DNAH6: variants seen among roughly 807,000 people sequenced by gnomAD.
DNAH6 encodes axonemal beta dynein heavy chain 6.
DNAH6 carries 340 observed loss-of-function variants against 491.4 expected under a neutral mutation model. The ratio of observed to expected loss-of-function variants is 0.69; its 90% CI spans 0.63 to 0.76. DNAH6 has a LOEUF of 0.76. Among genes scored for constraint, DNAH6 ranks in the 30% least tolerant of loss-of-function variants. DNAH6 has a pLI of 0.00. For missense variants in DNAH6, 4,443 were observed against 4,972.2 expected (o/e 0.89, Z 3.20); for synonymous variants, 1,603 against 1,686.1 (o/e 0.95, Z 1.21).
chr2:84,661,448 TACAA>T (rs1373514573), intron 37 of DNAH6, among the ~76,000 whole-genome samples: 1 of 152,078 alleles, frequency 6.6e-6, no homozygotes, highest in Non-Finnish European at 1.5e-5. Flanking sequence ...CTAAAAAATC[TACAA>T]ACAAATGATT....
chr2:84,781,518 G>A lies in DNAH6; in HGVS notation c.10729G>A (p.Gly3577Arg), dbSNP rs1197881960. 3.9e-6 allele frequency: 6 copies of A among 1,550,918 alleles called. No homozygotes were observed. The highest frequency in any genetic ancestry group is 2.7e-5 in the African/African-American group (2 of 73,044). ...GGTGCAGTCAATTTCACTGGGGCAA[G>A]GACAAGGACCTATTGCTGAAAAAAT... is the stretch of plus-strand genomic sequence containing the variant. ...ERVQSISLGQ[G>R]QGPIAEKMVK... The change falls in exon 65 of 77, where the codon GGA becomes AGA. Residue 3577 changes from glycine (G) to arginine (R), a missense_variant. Transcript: ENST00000389394.
chr2:84,755,569 A>C (rs144189354), intron 63 of DNAH6, among the ~76,000 whole-genome samples: 1 of 152,134 alleles, frequency 6.6e-6, no homozygotes, highest in African/African-American at 2.4e-5. Flanking sequence ...AGTGTTTTGT[A>C]TATACAAAAT....
Position 84,718,297 on chromosome 2 carries a change from C to G in DNAH6, c.9705C>G (p.Ile3235Met). The G allele has an allele frequency of 6.4e-7, 1 of 1,551,054 alleles. No individual in the cohort carries two copies. The highest frequency in any genetic ancestry group is 2.4e-5 in the East Asian group (1 of 40,880). Residue 3235 changes from isoleucine to methionine, a missense_variant, in exon 59 of 77, where the codon ATC (isoleucine) becomes ATG (methionine). By Grantham distance (10) the Ile-to-Met change is conservative. This residue lies in a region of DNAH6 where 1,463 missense variants were observed against 1,656.6 expected (regional missense o/e 0.88). Transcript: ENST00000389394. ...INTDKNQLKT[I>M]EEKILRMLFT... ...CTGATAAAAACCAGTTGAAAACTAT[C>G]GAAGAGAAAATCCTGAGAATGCTCT...
chr2:84,595,598 T>C, intron 17 of DNAH6, 48 bp from the exon 18 acceptor site: 1 of 1,477,128 alleles, frequency 6.8e-7, no homozygotes, highest in Non-Finnish European at 9.0e-7. Context: ...AACCTGACTT[T>C]TACTTTATGT....
chr2:84,775,124 A>G (rs886704109), intron 64 of DNAH6, among the ~76,000 whole-genome samples: 8 of 152,154 alleles, frequency 5.3e-5, no homozygotes, highest in African/African-American at 1.9e-4. Flanking sequence ...CCCATTCAGT[A>G]TGATGTTGGC....
intron 63 of DNAH6, among the ~76,000 whole-genome samples, chr2:84,745,539 G>A (rs539219412): frequency 1.8e-3 from 273 of 152,176 alleles, no homozygotes; most frequent in Non-Finnish European, 2.1e-3. Flanking sequence ...GGTGGCAGGC[G>A]CCTGTAGTCC....
chr2:84,665,315 G>A (rs1227066783), intron 37 of DNAH6, among the ~76,000 whole-genome samples: 1 of 151,992 alleles, frequency 6.6e-6, no homozygotes, highest in Admixed American at 6.6e-5. Context: ...CCAGGAGCTG[G>A]TTTTTTTAAA....
In DNAH6 at chr2:84,785,769, C is replaced by T. The variant is rs1677117597; in HGVS notation, c.11100+13C>T. 17 of 1,509,684 alleles carry T rather than the reference C, an allele frequency of 1.1e-5. No individual in the cohort carries two copies. Among genetic ancestry groups the T allele is most frequent in the Non-Finnish European group, 1.5e-5 (17 of 1,130,014 alleles). The allele number at this position is 1,509,684 out of a possible 1,614,324, so 93.5% of individuals were successfully genotyped here. Reference sequence around the variant, plus strand: ...TGCAATTATTCAGGTACACTCAACTCTGCTTTTCAATAGCAACAAGGAAGT... The same window carrying T: ...TGCAATTATTCAGGTACACTCAACTTTGCTTTTCAATAGCAACAAGGAAGT... On this transcript the variant is annotated intron_variant, in intron 67 of 76. Coordinates refer to ENST00000389394, the MANE Select transcript of DNAH6 (RefSeq NM_001370.2).
chr2:84,545,077 A>G (rs960795520), intron 5 of DNAH6, among the ~76,000 whole-genome samples: 3 of 152,124 alleles, frequency 2.0e-5, no homozygotes, highest in East Asian at 1.9e-4. Context: ...GAAGTTTCCT[A>G]CTTGGCCCCT....
intron 37 of DNAH6, among the ~76,000 whole-genome samples, chr2:84,661,250 A>C (rs898829288): frequency 5.3e-5 from 8 of 152,140 alleles, no homozygotes; most frequent in Non-Finnish European, 8.8e-5. Flanking sequence ...CATGAAATCA[A>C]GTGAAAGGGT....
At chr2:84,635,475 T>C (rs1466374343) in intron 30 of DNAH6, among the ~76,000 whole-genome samples, 1 of 152,318 alleles carries the variant, frequency 6.6e-6, no homozygotes, top group East Asian at 1.9e-4. Flanking sequence ...TCCCGCATAC[T>C]CTGGGGAGGC....
the DNAH6 span, among the ~76,000 whole-genome samples, chr2:84,470,360 T>C: frequency 6.6e-6 from 1 of 152,228 alleles, no homozygotes; most frequent in South Asian, 2.1e-4. Context: ...ATTAAGAAAG[T>C]AAAGGAATAA....
At chr2:84,634,099 G>A (rs1467955918) in intron 29 of DNAH6, among the ~76,000 whole-genome samples, 1 of 152,156 alleles carries the variant, frequency 6.6e-6, no homozygotes, top group Non-Finnish European at 1.5e-5. Flanking sequence ...TAGTCCTTGT[G>A]TGTGTCTGCC....
chr2:84,778,136 A>C (rs1246859421), intron 64 of DNAH6: 1 of 768,680 alleles, frequency 1.3e-6, no homozygotes, highest in Admixed American at 1.7e-5. Context: ...TGCCAACAGC[A>C]CCAACCCCAA....
intron 40 of DNAH6, 93 bp downstream of exon 40, chr2:84,672,577 A>G: frequency 8.4e-7 from 1 of 1,184,426 alleles, no homozygotes; most frequent in Admixed American, 2.6e-5. Flanking sequence ...ACAAAGTACC[A>G]CAGATGGGGT....
chr2:84,803,343 A>C (rs957177799), intron 70 of DNAH6, among the ~76,000 whole-genome samples: 2 of 152,220 alleles, frequency 1.3e-5, no homozygotes. Flanking sequence ...ACAACCTGTT[A>C]GATACTATGT....
intron 29 of DNAH6, among the ~76,000 whole-genome samples, chr2:84,633,991 T>C (rs1475631197): frequency 2.6e-5 from 4 of 152,230 alleles, no homozygotes; most frequent in Non-Finnish European, 4.4e-5. Context: ...TGCCACACTT[T>C]AGATGGTACA....
In DNAH6 at chr2:84,548,307, C is replaced by A. The variant is rs1678991581; in HGVS notation, c.1206C>A (p.Ser402Arg). The A allele has an allele frequency of 6.8e-6, 11 of 1,613,520 alleles. No individual in the cohort carries two copies. Among genetic ancestry groups the A allele is most frequent in the Non-Finnish European group, 9.3e-6 (11 of 1,179,796 alleles). The part of the protein sequence containing the change: ...GPFEDYHKVQ[S>R]SGSFINTPHE... The stretch of plus-strand genomic sequence containing the variant: ...TCTTAGATTATCATAAAGTGCAGAG[C>A]AGTGGAAGTTTCATTAATACACCAC... The change falls in exon 8 of 77, where the codon AGC (serine) becomes AGA (arginine). Residue 402 changes from serine (S) to arginine (R), a missense_variant. Physicochemically the swap from Ser to Arg is moderately radical, Grantham distance 110. Coordinates refer to ENST00000389394, the MANE Select transcript of DNAH6 (RefSeq NM_001370.2).
intron 12 of DNAH6, among the ~76,000 whole-genome samples, chr2:84,574,695 C>A (rs114422975): frequency 1.5e-3 from 227 of 152,326 alleles, no homozygotes; most frequent in African/African-American, 5.2e-3. Context: ...CAGAAGCATA[C>A]CGACAGGGAC....
Sources: allele counts gnomAD v4.1 joint callset (sites outside exome capture counted in the v4.1 genomes callset), GRCh38; gene constraint gnomAD v4.1.1; regional missense constraint gnomAD v4.1.1; transcripts MANE v1.5; gene names NCBI Gene and HGNC (gene_info 2026-07-23, HGNC 2026-07-21).